SLC25A51: variants seen among roughly 807,000 people sequenced by gnomAD.
SLC25A51 encodes the protein mitochondrial nicotinamide adenine dinucleotide transporter SLC25A51.
In SLC25A51, 11 loss-of-function variants were observed where a neutral mutation model predicts 19.1. The ratio of observed to expected loss-of-function variants is 0.58; its 90% CI spans 0.36 to 0.96. The LOEUF (loss-of-function observed/expected upper bound fraction) is 0.96, where lower values mean the gene tolerates loss of function less well. Ranked by LOEUF, SLC25A51 falls within the 40% of genes least tolerant of loss-of-function variation. The probability of loss-of-function intolerance (pLI) is 0.01; values close to 1 mark genes in which losing one functional copy is unlikely to be tolerated. For synonymous variants in SLC25A51, 105 were observed against 133.6 expected, an observed-to-expected ratio of 0.79 and a Z score of 1.47; for missense variants, 201 against 365.4, an observed-to-expected ratio of 0.55 and a Z score of 3.67.
At chr9:37,881,614 G>C (rs1032483677) in exon 3 of SLC25A51, 2 of 152,272 alleles carry the variant, frequency 1.3e-5, no homozygotes, top group Admixed American at 6.5e-5. Context: ...CTACACTCCA[G>C]CCCAGGCAAT....
chr9:37,886,960 G>C (rs1237316139), downstream of SLC25A51, among the ~76,000 whole-genome samples: 1 of 150,074 alleles, frequency 6.7e-6, no homozygotes, highest in Admixed American at 6.6e-5. Context: ...TCAGGAGATC[G>C]AGACCATCCT....
At chr9:37,893,085 C>T (rs1310081335) in intron 2 of SLC25A51, among the ~76,000 whole-genome samples, 1 of 151,966 alleles carries the variant, frequency 6.6e-6, no homozygotes, top group Non-Finnish European at 1.5e-5. Flanking sequence ...ACCATGTTGC[C>T]CAGGCTGGTC....
intron 2 of SLC25A51, among the ~76,000 whole-genome samples, chr9:37,899,368 A>T (rs956175934): frequency 1.3e-5 from 2 of 152,052 alleles, no homozygotes; most frequent in Non-Finnish European, 2.9e-5. Context: ...TTCATAACAG[A>T]TCATGTTGTC....
chr9:37,881,038 T>G (rs1031090566), intron 3 of SLC25A51, among the ~76,000 whole-genome samples: 5 of 152,204 alleles, frequency 3.3e-5, no homozygotes, highest in African/African-American at 1.2e-4. Flanking sequence ...TAGAAGCAAC[T>G]GCTCCTTTAC....
intron 2 of SLC25A51, among the ~76,000 whole-genome samples, chr9:37,895,006 T>C (rs1587166902): frequency 6.6e-6 from 1 of 152,248 alleles, no homozygotes; most frequent in East Asian, 1.9e-4. Flanking sequence ...ACGTCTTCTT[T>C]ATCCCGTGTA....
chr9:37,892,389 G>A (rs555201800), intron 2 of SLC25A51, among the ~76,000 whole-genome samples: 5 of 152,320 alleles, frequency 3.3e-5, no homozygotes, highest in East Asian at 1.9e-4. Context: ...AAGGAGCAGC[G>A]GCATCGCGTT....
At chr9:37,903,406 A>G (rs990816848) in intron 1 of SLC25A51, 1 of 152,178 alleles carries the variant, frequency 6.6e-6, no homozygotes, top group Admixed American at 6.5e-5. Flanking sequence ...ACACCAAATA[A>G]TGGATGGAGA....
At chr9:37,896,274 T>G (rs767635556) in intron 2 of SLC25A51, among the ~76,000 whole-genome samples, 3 of 152,056 alleles carry the variant, frequency 2.0e-5, no homozygotes, top group African/African-American at 4.8e-5. Context: ...ACTCCATTCT[T>G]TTCCACAAAG....
chr9:37,879,032 G>T, downstream of SLC25A51: 1 of 301,014 alleles, frequency 3.3e-6, no homozygotes, highest in South Asian at 3.5e-5. Flanking sequence ...AGTCAGTGCA[G>T]TGTTATAGTA....
rs746080216 is a variant in SLC25A51 at position 37,887,618 on chromosome 9, T to G, written c.*39A>C. The G allele has an allele frequency of 6.4e-7, 1 of 1,562,842 alleles. No homozygotes were observed. The highest frequency in any genetic ancestry group is 8.7e-7 in the Non-Finnish European group (1 of 1,156,054). On this transcript the variant is annotated 3_prime_UTR_variant, in exon 3 of 3. Transcript: ENST00000242275. ...GCCAAACTGCATTCTTCTTAGAAGG[T>G]CTATTCAGTTGATAAATGGCACTTA...
At chr9:37,885,668 T>C (rs572227810), downstream of SLC25A51, 72 of 1,112,350 alleles carry the variant, frequency 6.5e-5, no homozygotes, top group Middle Eastern at 8.2e-4. Context: ...CCCAAAGGAG[T>C]TGCCCGAAAC....
At chr9:37,899,584 G>A (rs1462067008) in intron 2 of SLC25A51, among the ~76,000 whole-genome samples, 1 of 152,044 alleles carries the variant, frequency 6.6e-6, no homozygotes, top group Non-Finnish European at 1.5e-5. Context: ...AGGCTGGTCT[G>A]AAGCTCCTTG....
downstream of SLC25A51, among the ~76,000 whole-genome samples, chr9:37,885,401 A>G (rs1207205598): frequency 1.3e-5 from 2 of 148,580 alleles, no homozygotes; most frequent in Non-Finnish European, 3.0e-5. Flanking sequence ...CTTTTATCCT[A>G]TTTTGTTGAT....
chr9:37,879,298 TGAG>T (rs1325065470), downstream of SLC25A51: 1 of 225,762 alleles, frequency 4.4e-6, no homozygotes, highest in African/African-American at 2.3e-5. Context: ...CACACCAGAC[TGAG>T]GAGTTCAGGA....
chr9:37,901,504 T>C (rs1831847958), intron 1 of SLC25A51, among the ~76,000 whole-genome samples: 2 of 152,220 alleles, frequency 1.3e-5, no homozygotes, highest in African/African-American at 4.8e-5. Flanking sequence ...ACAACTATTT[T>C]TATCCTTTAT....
At position 37,887,658 on chromosome 9, in the gene SLC25A51, C is replaced by T. The variant is rs776453751; in HGVS notation, c.893G>A (p.Ter298=). 98 of 1,604,140 alleles carry T rather than the reference C, an allele frequency of 6.1e-5. No individual in the cohort carries two copies. The highest frequency in any genetic ancestry group is 3.3e-4 in the Middle Eastern group (2 of 6,036). Residue 298 remains the stop codon, a stop_retained_variant, in exon 3 of 3, where the codon TGA becomes TAA. Transcript: ENST00000242275. ...AATGGCACTTAACTGATGGTTTTTT[C>T]ATATAACCTTTAACAAGAACTCATA... ...ATYEFLLKVI[*]
At chr9:37,884,227 T>C (rs1320254540), downstream of SLC25A51, among the ~76,000 whole-genome samples, 2 of 152,244 alleles carry the variant, frequency 1.3e-5, no homozygotes, top group Non-Finnish European at 2.9e-5. Context: ...CATTAGTCAA[T>C]TGGAAGTGGC....
At chr9:37,885,708 C>T (rs1831439555), downstream of SLC25A51, 4 of 1,401,766 alleles carry the variant, frequency 2.9e-6, no homozygotes, top group East Asian at 4.6e-5. Context: ...CCTGATGTTT[C>T]TCAGTGCCAT....
exon 4 of SLC25A51, chr9:37,880,338 G>A (rs1831326920): frequency 6.6e-6 from 1 of 151,672 alleles, no homozygotes; most frequent in East Asian, 1.9e-4. Flanking sequence ...TTGACAATAT[G>A]AAGAATAGAT....
Sources: gnomAD v4.1 joint callset for allele counts (sites outside exome capture counted in the v4.1 genomes callset) on GRCh38, gnomAD v4.1.1 for gene constraint, MANE v1.5 for transcripts, NCBI Gene and HGNC (gene_info 2026-07-23, HGNC 2026-07-21) for gene names.